Variants in C2orf49 observed in about 807,000 individuals in gnomAD.
C2orf49 encodes the protein tRNA splicing ligase complex subunit 2.
Under a neutral mutation model 20.6 loss-of-function variants are expected in C2orf49, and 11 were observed. The observed-to-expected ratio is 0.53, with a 90% CI of 0.34 to 0.88. The LOEUF (loss-of-function observed/expected upper bound fraction) is 0.88. Among genes scored for constraint, C2orf49 ranks in the 40% least tolerant of loss-of-function variants. The probability of loss-of-function intolerance (pLI) is 0.02; values close to 1 mark genes in which losing one functional copy is unlikely to be tolerated. For synonymous variants in C2orf49, 134 were observed against 108.5 expected (o/e 1.24, Z -1.46); for missense variants, 289 against 274.2 (o/e 1.05, Z -0.38).
rs1303660577 is a variant in C2orf49, at chr2:105,339,724, C to T, written c.241C>T (p.His81Tyr). ...AATGATGGAAAAGAAAAGAGAACAA[C>T]ATGAGATTAAAAATGAGACTAAAAG... is the stretch of plus-strand genomic sequence containing the variant. ...GKMMEKKREQ[H>Y]EIKNETKRSS... The change falls in exon 2 of 4, where the codon CAT becomes TAT. Residue 81 changes from histidine to tyrosine, a missense_variant. Transcript: ENST00000258457. 5 of 1,598,682 alleles carry T rather than the reference C, an allele frequency of 3.1e-6. No homozygotes were observed. Among genetic ancestry groups the T allele is most frequent in the Admixed American group, 1.8e-5 (1 of 54,796 alleles).
chr2:105,373,822 A>G, the C2orf49 span: 1 of 1,366,604 alleles, frequency 7.3e-7, no homozygotes, highest in South Asian at 1.2e-5. Flanking sequence ...TCTGCAGGGC[A>G]AACAAGGAAA....
In C2orf49 at chr2:105,345,299, T is replaced by C. The variant is rs1356122189; in HGVS notation, c.643-16T>C. ...ATTTCTGCAAGTATAAACTGATTTC[T>C]GTTCATGTCTTTCAGAATAACCTGA... On this transcript the variant is annotated splice_polypyrimidine_tract_variant and intron_variant, in intron 3 of 3. Transcript: ENST00000258457. The C allele has an allele frequency of 2.5e-6, 4 of 1,606,284 alleles. No individual in the cohort carries two copies. In the African/African-American group the frequency reaches 5.4e-5, roughly 22 times the overall value.
downstream of C2orf49, among the ~76,000 whole-genome samples, chr2:105,349,415 T>C (rs1679887999): frequency 6.6e-6 from 1 of 152,200 alleles, no homozygotes; most frequent in Admixed American, 6.5e-5. Flanking sequence ...ACTTAACACA[T>C]AGATTCTTCA....
the C2orf49 span, among the ~76,000 whole-genome samples, chr2:105,374,710 G>T: frequency 6.6e-6 from 1 of 152,126 alleles, no homozygotes; most frequent in African/African-American, 2.4e-5. Flanking sequence ...CTCCATATTT[G>T]CCTTTTAAAA....
intron 2 of C2orf49, among the ~76,000 whole-genome samples, chr2:105,341,219 A>T (rs545348834): frequency 6.6e-6 from 1 of 152,240 alleles, no homozygotes; most frequent in Non-Finnish European, 1.5e-5. Context: ...ACATTCAGGC[A>T]TATTGTTCTA....
At chr2:105,366,871 G>A in the C2orf49 span, among the ~76,000 whole-genome samples, 31 of 152,294 alleles carry the variant, frequency 2.0e-4, no homozygotes, top group African/African-American at 7.2e-4. Flanking sequence ...TCAGTCTCCT[G>A]AGTAGCTGGG....
the C2orf49 span, among the ~76,000 whole-genome samples, chr2:105,369,513 T>C: frequency 6.6e-6 from 1 of 152,148 alleles, no homozygotes; most frequent in Non-Finnish European, 1.5e-5. Context: ...GGGGGCAATG[T>C]GTGAGAGGGA....
chr2:105,375,696 C>T, the C2orf49 span: 1 of 152,254 alleles, frequency 6.6e-6, no homozygotes, highest in South Asian at 2.1e-4. Context: ...TTCATTCTCA[C>T]CTGAGCCCAG....
At chr2:105,382,547 A>AG in the C2orf49 span, among the ~76,000 whole-genome samples, 1 of 152,220 alleles carries the variant, frequency 6.6e-6, no homozygotes. Context: ...ATAGGGTGTT[A>AG]GGAGAAATTT....
the C2orf49 span, among the ~76,000 whole-genome samples, chr2:105,354,673 A>C: frequency 5.9e-5 from 9 of 152,164 alleles, no homozygotes; most frequent in Non-Finnish European, 1.0e-4. Context: ...TCTCAAAAAA[A>C]AAAAATTAAA....
the C2orf49 span, among the ~76,000 whole-genome samples, chr2:105,380,524 C>T: frequency 5.5e-4 from 83 of 152,282 alleles, no homozygotes; most frequent in Non-Finnish European, 9.7e-4. Flanking sequence ...CCACCACGCC[C>T]GGCTCAAGTG....
At chr2:105,352,429 G>GTTTTTTTTTTTTTT (rs61585149), downstream of C2orf49, among the ~76,000 whole-genome samples, 9 of 80,758 alleles carry the variant, frequency 1.1e-4, no homozygotes, top group African/African-American at 1.5e-4. Flanking sequence ...GTTTGTTTGG[G>GTTTTTTTTTTTTTT]TTTTTTTTTT....
At chr2:105,374,977 T>C in the C2orf49 span, among the ~76,000 whole-genome samples, 1 of 152,188 alleles carries the variant, frequency 6.6e-6, no homozygotes, top group African/African-American at 2.4e-5. Flanking sequence ...AAGAAGAGCC[T>C]GCCCACGATG....
chr2:105,350,164 ACT>A (rs1679903225), downstream of C2orf49, among the ~76,000 whole-genome samples: 1 of 152,078 alleles, frequency 6.6e-6, no homozygotes. Context: ...CAAATTGATG[ACT>A]CTCAGAATCA....
intron 2 of C2orf49, 147 bp from the exon 3 acceptor site, chr2:105,342,701 A>G: frequency 1.4e-6 from 1 of 721,782 alleles, no homozygotes; most frequent in Admixed American, 3.3e-5. Flanking sequence ...TTCATTTAGA[A>G]TGAACATAGA....
the C2orf49 span, chr2:105,373,584 C>T: frequency 6.2e-7 from 1 of 1,614,230 alleles, no homozygotes; most frequent in Non-Finnish European, 8.5e-7. Flanking sequence ...TCTTGCATTC[C>T]TGGCACTTGG....
the C2orf49 span, among the ~76,000 whole-genome samples, chr2:105,373,191 AAT>A: frequency 6.6e-6 from 1 of 152,372 alleles, no homozygotes; most frequent in Non-Finnish European, 1.5e-5. Context: ...CACTTGGTGA[AAT>A]AACTGAATGA....
chr2:105,345,300 G>C lies in C2orf49; in HGVS notation c.643-15G>C, dbSNP rs1460758197. 1.9e-6 allele frequency: 3 copies of C among 1,606,706 alleles called. No individual in the cohort carries two copies. Among genetic ancestry groups the C allele is most frequent in the Admixed American group, 1.7e-5 (1 of 58,608 alleles). ...TTTCTGCAAGTATAAACTGATTTCT[G>C]TTCATGTCTTTCAGAATAACCTGAA... On this transcript the variant is annotated splice_polypyrimidine_tract_variant and intron_variant, in intron 3 of 3. Transcript: ENST00000258457.
At chr2:105,361,529 T>G in the C2orf49 span, 2 of 1,164,052 alleles carry the variant, frequency 1.7e-6, no homozygotes, top group Non-Finnish European at 2.5e-6. Flanking sequence ...TTTCAAAGTT[T>G]GGATTGTGTA....
Sources: gnomAD v4.1 joint callset for allele counts (sites outside exome capture counted in the v4.1 genomes callset) on GRCh38, gnomAD v4.1.1 for gene constraint, MANE v1.5 for transcripts, NCBI Gene and HGNC (gene_info 2026-07-23, HGNC 2026-07-21) for gene names.